CENPU: variants seen among roughly 807,000 people sequenced by gnomAD.
The protein encoded by CENPU is centromere protein U.
A neutral mutation model predicts 56.7 loss-of-function variants in CENPU; 46 were observed. The observed-to-expected ratio is 0.81, with a 90% CI of 0.64 to 1.04. CENPU has a LOEUF of 1.04. CENPU is among the 50% of genes least tolerant of loss of function. The pLI, the probability that CENPU is intolerant of heterozygous loss-of-function variation, is 0.00. For missense variants in CENPU, 510 were observed against 490.1 expected, an observed-to-expected ratio of 1.04 and a Z score of -0.38; for synonymous variants, 166 against 163.0, an observed-to-expected ratio of 1.02 and a Z score of -0.14.
chr4:184,704,086 CTTTT>C (rs368391994), intron 8 of CENPU, among the ~76,000 whole-genome samples: 38 of 147,388 alleles, frequency 2.6e-4, no homozygotes, highest in African/African-American at 9.4e-4. Context: ...CATACTTCAT[CTTTT>C]TTTTTTTTGA....
intron 4 of CENPU, 66 bp downstream of exon 4, chr4:184,724,891 A>C: frequency 1.9e-6 from 2 of 1,057,162 alleles, no homozygotes; most frequent in Non-Finnish European, 2.8e-6. Flanking sequence ...ATTAGCTTCT[A>C]TCTTAAAGAG....
Position 184,701,754 on chromosome 4 carries a change from T to C in CENPU, c.924+335A>G, listed in dbSNP as rs527932410. On this transcript the variant is annotated intron_variant, in intron 10 of 12. Coordinates refer to ENST00000281453, the MANE Select transcript of CENPU (RefSeq NM_024629.4). ...CACAAAAGCAATAAATATATATTAA[T>C]ATTTATCCATGTAAGTGGTCATTTT... Among the ~76,000 whole-genome samples the C allele has an allele frequency of 5.9e-5, 9 of 152,316 alleles. No individual in the cohort carries two copies. The South Asian group carries it at 1.9e-3, about 32-fold the overall frequency.
intron 8 of CENPU, among the ~76,000 whole-genome samples, chr4:184,707,980 T>C (rs910113304): frequency 6.6e-6 from 1 of 152,086 alleles, no homozygotes; most frequent in African/African-American, 2.4e-5. Context: ...CCCAGCACTT[T>C]GGGAGGCCAA....
chr4:184,697,296 G>A (rs1389406448), intron 12 of CENPU, among the ~76,000 whole-genome samples: 2 of 152,120 alleles, frequency 1.3e-5, no homozygotes, highest in African/African-American at 4.8e-5. Flanking sequence ...CTGGTCTTTC[G>A]AACATGGCTG....
chr4:184,699,181 T>C (rs1415784266), intron 11 of CENPU, among the ~76,000 whole-genome samples: 2 of 151,570 alleles, frequency 1.3e-5, no homozygotes, highest in African/African-American at 4.8e-5. Flanking sequence ...CAAAAAAAAA[T>C]TAGCCGGGCA....
chr4:184,727,863 T>G (rs1761512352), intron 3 of CENPU, among the ~76,000 whole-genome samples: 1 of 152,172 alleles, frequency 6.6e-6, no homozygotes, highest in Non-Finnish European at 1.5e-5. Context: ...GGACAAACCC[T>G]GAAAACTAAG....
rs756585735 is a variant in CENPU, at chr4:184,694,256, G to A, written c.*1032C>T. The A allele has an allele frequency of 6.5e-5, 75 of 1,161,792 alleles. No homozygotes were observed. The highest frequency in any genetic ancestry group is 7.9e-5 in the Non-Finnish European group (74 of 939,776). The allele number at this position is 1,161,792 out of a possible 1,614,324, so 72.0% of individuals were successfully genotyped here. ...AAATTAAATCCACCCTTGCTCTTCCGTCGGGGAGTATTGAAAAGTATGTGC... is the reference window on the plus strand; with the variant it reads ...AAATTAAATCCACCCTTGCTCTTCCATCGGGGAGTATTGAAAAGTATGTGC... On this transcript the variant is annotated 3_prime_UTR_variant, in exon 13 of 13. Coordinates refer to ENST00000281453, the MANE Select transcript of CENPU (RefSeq NM_024629.4).
In CENPU at chr4:184,695,191, C is replaced by A; in HGVS notation, c.*97G>T. The A allele has an allele frequency of 1.2e-6, 1 of 841,282 alleles. No homozygotes were observed. Among genetic ancestry groups the A allele is most frequent in the Non-Finnish European group, 2.0e-6 (1 of 509,456 alleles). The allele number at this position is 841,282 out of a possible 1,614,324, so 52.1% of individuals were successfully genotyped here. A position where few individuals can be genotyped will look rare whatever the true frequency, so the allele number is the denominator to read the frequency against. On this transcript the variant is annotated 3_prime_UTR_variant, in exon 13 of 13. Coordinates refer to ENST00000281453, the MANE Select transcript of CENPU (RefSeq NM_024629.4). Reference sequence around the variant, plus strand: ...ATTTTAGATTCTAAGTAGGCCATAACTTCTTTGCAAAACAATTGATTTATA... The same window carrying A: ...ATTTTAGATTCTAAGTAGGCCATAAATTCTTTGCAAAACAATTGATTTATA...
Position 184,712,961 on chromosome 4 carries a change from C to T in CENPU, c.671G>A (p.Ser224Asn). Residue 224 changes from serine (S) to asparagine (N), a missense_variant, in exon 7 of 13, where the codon AGT becomes AAT. Coordinates refer to ENST00000281453, the MANE Select transcript of CENPU (RefSeq NM_024629.4). ...TTCTCTACCTGAGCCTATGGCTTTA[C>T]TTCTTGATTTCTTCCTTTTGTCATG... ...ISHDKRKKSR[S>N]KAIGSDTSDI... The T allele has an allele frequency of 1.3e-6, 2 of 1,591,156 alleles. No individual in the cohort carries two copies. Among genetic ancestry groups the T allele is most frequent in the Non-Finnish European group, 1.7e-6 (2 of 1,167,210 alleles).
At chr4:184,722,674 A>G (rs1164433398) in intron 4 of CENPU, among the ~76,000 whole-genome samples, 1 of 151,902 alleles carries the variant, frequency 6.6e-6, no homozygotes, top group Admixed American at 6.6e-5. Flanking sequence ...TTTTGTCAAA[A>G]GAGAGATGAA....
At chr4:184,732,349 C>T (rs1761677711) in intron 1 of CENPU, among the ~76,000 whole-genome samples, 1 of 152,126 alleles carries the variant, frequency 6.6e-6, no homozygotes, top group African/African-American at 2.4e-5. Context: ...TTGGCACCAC[C>T]CCAGGAGTGT....
intron 8 of CENPU, among the ~76,000 whole-genome samples, 168 bp downstream of exon 8, chr4:184,709,902 TAA>T: frequency 6.6e-6 from 1 of 150,980 alleles, no homozygotes; most frequent in Non-Finnish European, 1.5e-5. Context: ...TTGGGACAAA[TAA>T]AAACATATGA....
chr4:184,700,844 A>C lies in CENPU; in HGVS notation c.962T>G (p.Ile321Ser). 1 of 1,614,016 alleles carries C rather than the reference A, an allele frequency of 6.2e-7. No individual in the cohort carries two copies. Among genetic ancestry groups the C allele is most frequent in the Non-Finnish European group, 8.5e-7 (1 of 1,179,842 alleles). Residue 321 changes from isoleucine to serine, a missense_variant, in exon 11 of 13, where the codon ATT becomes AGT. Coordinates refer to ENST00000281453, the MANE Select transcript of CENPU (RefSeq NM_024629.4). ...CCGAAGCAGTTCATCCTGGACTTCA[A>C]TCATACGCTGCCTTTTCTTTTCGAT... is the stretch of plus-strand genomic sequence containing the variant. ...SDIEKKRQRMIEVQDELLRLE... is the reference protein window; with the variant it reads ...SDIEKKRQRMSEVQDELLRLE...
chr4:184,729,060 T>C (rs747743565), intron 2 of CENPU, 25 bp from the exon 3 acceptor site: 32 of 1,536,216 alleles, frequency 2.1e-5, no homozygotes, highest in South Asian at 4.5e-5. Flanking sequence ...AGTTGAGTCA[T>C]TGAGTTGGCT....
In CENPU at chr4:184,694,614, T is replaced by G. The variant is rs3184982; in HGVS notation, c.*674A>C. On this transcript the variant is annotated 3_prime_UTR_variant, in exon 13 of 13. Transcript: ENST00000281453. ...CATCACCTAGCAGGCTGTCAACAGG[T>G]GCATCTGCTGATGCTGTCTGGGATA... 247,368 of 1,612,878 alleles carry G rather than the reference T, an allele frequency of 0.15. 20,383 individuals are homozygous for G. The highest frequency in any genetic ancestry group is 0.27 in the African/African-American group (20,577 of 74,856).
intron 8 of CENPU, among the ~76,000 whole-genome samples, chr4:184,706,888 T>C (rs1241058315): frequency 6.6e-6 from 1 of 152,150 alleles, no homozygotes; most frequent in Admixed American, 6.5e-5. Context: ...CAGACCTCTG[T>C]CCCTGTGTCC....
intron 11 of CENPU, among the ~76,000 whole-genome samples, chr4:184,698,586 G>A (rs1206874714): frequency 6.6e-6 from 1 of 152,074 alleles, no homozygotes; most frequent in Non-Finnish European, 1.5e-5. Context: ...GAGTAGCTGG[G>A]ATTACAGGTG....
At chr4:184,711,197 C>T (rs1459468847) in intron 7 of CENPU, among the ~76,000 whole-genome samples, 1 of 152,104 alleles carries the variant, frequency 6.6e-6, no homozygotes, top group Non-Finnish European at 1.5e-5. Flanking sequence ...GCAGGATAGT[C>T]TACTCTTCTT....
At chr4:184,716,755 C>T (rs993312353) in intron 5 of CENPU, 122 bp from the exon 6 acceptor site, 2 of 760,740 alleles carry the variant, frequency 2.6e-6, no homozygotes, top group Admixed American at 2.9e-5. Context: ...CAAAATTGAA[C>T]ATAATAGGAA....
Sources: allele counts gnomAD v4.1 joint callset (sites outside exome capture counted in the v4.1 genomes callset), GRCh38; gene constraint gnomAD v4.1.1; transcripts MANE v1.5; gene names NCBI Gene and HGNC (gene_info 2026-07-23, HGNC 2026-07-21).